The following ADAMTS20 variants were observed in gnomAD, a reference collection of about 807,000 sequenced individuals.
ADAMTS20 encodes A disintegrin and metalloproteinase with thrombospondin motifs 20.
A neutral mutation model predicts 260.1 loss-of-function variants in ADAMTS20; 225 were observed. The observed-to-expected ratio is 0.87, with a 90% CI of 0.78 to 0.97. ADAMTS20 has a LOEUF of 0.97. ADAMTS20 is among the 50% of genes least tolerant of loss of function. The probability of loss-of-function intolerance (pLI) is 0.00; values close to 1 mark genes in which losing one functional copy is unlikely to be tolerated. For synonymous variants in ADAMTS20, 802 were observed against 769.5 expected (o/e 1.04, Z -0.70); for missense variants, 2,400 against 2,337.7 (o/e 1.03, Z -0.55).
intron 2 of ADAMTS20, among the ~76,000 whole-genome samples, chr12:43,543,440 C>T (rs540308298): frequency 6.6e-6 from 1 of 152,310 alleles, no homozygotes; most frequent in South Asian, 2.1e-4. Context: ...ATTCTTCTTT[C>T]TGTAGCAAGT....
intron 7 of ADAMTS20, among the ~76,000 whole-genome samples, chr12:43,478,844 A>G (rs1293932009): frequency 6.6e-6 from 1 of 152,214 alleles, no homozygotes; most frequent in African/African-American, 2.4e-5. Context: ...AAATTACTGA[A>G]TTAGAAAGAG....
At chr12:43,465,980 T>C (rs1445102271) in intron 9 of ADAMTS20, among the ~76,000 whole-genome samples, 1 of 152,058 alleles carries the variant, frequency 6.6e-6, no homozygotes, top group East Asian at 1.9e-4. Context: ...GTTACATTTA[T>C]ACAAAAAGAT....
At chr12:43,531,194 C>CA (rs1943215460) in intron 3 of ADAMTS20, among the ~76,000 whole-genome samples, 1 of 151,738 alleles carries the variant, frequency 6.6e-6, no homozygotes, top group Admixed American at 6.6e-5. Context: ...ACCCCAGAAA[C>CA]AATACTAAGC....
chr12:43,373,681 T>G (rs1940155924), intron 36 of ADAMTS20, among the ~76,000 whole-genome samples: 1 of 135,482 alleles, frequency 7.4e-6, no homozygotes, highest in Non-Finnish European at 1.6e-5. Context: ...TTTTTTTTTT[T>G]TTTTTTTTTT....
At chr12:43,550,022 C>T (rs1032547481) in intron 2 of ADAMTS20, among the ~76,000 whole-genome samples, 7 of 152,136 alleles carry the variant, frequency 4.6e-5, no homozygotes, top group African/African-American at 7.2e-5. Flanking sequence ...ATCCTGTAAC[C>T]AAATTCCTAG....
intron 22 of ADAMTS20, 131 bp downstream of exon 22, chr12:43,431,201 G>C (rs997017380): frequency 1.3e-6 from 1 of 768,728 alleles, no homozygotes; most frequent in Non-Finnish European, 2.0e-6. Flanking sequence ...CACATTTCAG[G>C]GTTGCTGTTG....
chr12:43,490,857 T>C (rs910765332), intron 6 of ADAMTS20, among the ~76,000 whole-genome samples: 1 of 152,082 alleles, frequency 6.6e-6, no homozygotes, highest in African/African-American at 2.4e-5. Flanking sequence ...ACTTAGTCCA[T>C]GGCCATTCAA....
At chr12:43,366,346 A>T (rs1939985931) in intron 37 of ADAMTS20, among the ~76,000 whole-genome samples, 1 of 151,938 alleles carries the variant, frequency 6.6e-6, no homozygotes, top group African/African-American at 2.4e-5. Context: ...AACAAAATAC[A>T]TAAAAGATTG....
chr12:43,549,945 T>C (rs1181727413), intron 2 of ADAMTS20, among the ~76,000 whole-genome samples: 1 of 152,238 alleles, frequency 6.6e-6, no homozygotes, highest in South Asian at 2.1e-4. Context: ...TTTGAACACC[T>C]TCCAGAAGTA....
intron 29 of ADAMTS20, among the ~76,000 whole-genome samples, chr12:43,391,860 A>G (rs893431456): frequency 6.6e-6 from 1 of 152,156 alleles, no homozygotes; most frequent in Non-Finnish European, 1.5e-5. Flanking sequence ...TCCTCTCATA[A>G]ACTGTGTCAA....
chr12:43,357,467 TATA>T (rs1235637362), intron 37 of ADAMTS20, among the ~76,000 whole-genome samples: 1 of 152,178 alleles, frequency 6.6e-6, no homozygotes, highest in Non-Finnish European at 1.5e-5. Flanking sequence ...ACTCTGTATA[TATA>T]ATGTGAATTA....
chr12:43,512,160 TATC>T (rs772647901), intron 3 of ADAMTS20, among the ~76,000 whole-genome samples: 1 of 151,066 alleles, frequency 6.6e-6, no homozygotes, highest in Non-Finnish European at 1.5e-5. Context: ...GTACTATTAT[TATC>T]GTCATTTTAT....
intron 23 of ADAMTS20, 87 bp downstream of exon 23, chr12:43,430,265 A>G (rs1477913051): frequency 2.8e-6 from 4 of 1,445,918 alleles, no homozygotes; most frequent in Non-Finnish European, 3.7e-6. Context: ...TTTAAGTGGA[A>G]AAAAATAAGT....
rs374970372 is a variant in ADAMTS20, at chr12:43,468,672, A to G, written c.1151T>C (p.Leu384Ser). ...LSYLGTICDP[L>S]QSCFINEEKG... The stretch of plus-strand genomic sequence containing the variant: ...TTCTTCATTAATAAAGCAGCTTTGT[A>G]AAGGATCACATATGGTACCTAAATA... Residue 384 changes from leucine to serine, a missense_variant, in exon 8 of 39, where the codon TTA (leucine) becomes TCA (serine). Transcript: ENST00000389420. 4 of 1,609,172 alleles carry G rather than the reference A, an allele frequency of 2.5e-6. No individual in the cohort carries two copies. Among genetic ancestry groups the G allele is most frequent in the Non-Finnish European group, 3.4e-6 (4 of 1,176,910 alleles).
At chr12:43,360,455 AT>A (rs2137184235) in intron 37 of ADAMTS20, among the ~76,000 whole-genome samples, 1 of 152,300 alleles carries the variant, frequency 6.6e-6, no homozygotes, top group East Asian at 1.9e-4. Flanking sequence ...TCTCAAAAAA[AT>A]AAATAAAAAT....
chr12:43,529,748 A>C (rs1026990395), intron 3 of ADAMTS20, among the ~76,000 whole-genome samples: 1 of 152,122 alleles, frequency 6.6e-6, no homozygotes, highest in Non-Finnish European at 1.5e-5. Flanking sequence ...ATCAGAATTC[A>C]CCACTATATA....
Position 43,429,620 on chromosome 12 carries a change from G to C in ADAMTS20, c.3486C>G (p.Thr1162=). ...KMAQWRHGSW[T]PCSVSCGRGT... Reference sequence around the variant, plus strand: ...TCTATTAAAGAAATTCACTTACTGGGGTCCAAGAACCATGTCGCCATTGTG... The same window carrying C: ...TCTATTAAAGAAATTCACTTACTGGCGTCCAAGAACCATGTCGCCATTGTG... The change falls in exon 24 of 39, where the codon ACC becomes ACG. Residue 1162 remains threonine (T), a synonymous_variant. Coordinates refer to ENST00000389420, the MANE Select transcript of ADAMTS20 (RefSeq NM_025003.5). 3.2e-6 allele frequency: 5 copies of C among 1,586,678 alleles called. No homozygotes were observed. Among genetic ancestry groups the C allele is most frequent in the Non-Finnish European group, 4.3e-6 (5 of 1,165,316 alleles).
rs1052408161 is a variant in ADAMTS20 at position 43,423,501 on chromosome 12, C to T, written c.4284+2013G>A. The stretch of plus-strand genomic sequence containing the variant: ...AAACGTCTATGCTCAGAAACAAATG[C>T]CATTACAATTCAATCTCATTAGCAG... On this transcript the variant is annotated intron_variant, in intron 28 of 38. Transcript: ENST00000389420. 1.3e-5 allele frequency: 7 copies of T among 525,746 alleles called. No homozygotes were observed. The Admixed American group carries it at 1.4e-4, about 10-fold the overall frequency. 32.6% of individuals were successfully genotyped at this position (525,746 alleles called of 1,614,324 possible).
At chr12:43,471,039 G>A (rs7134981) in intron 7 of ADAMTS20, among the ~76,000 whole-genome samples, 17,501 of 152,142 alleles carry the variant, frequency 0.12, 1,133 homozygotes, top group Admixed American at 0.21. Context: ...GAGCGACGCA[G>A]AAGACGGGTG....
Sources: allele counts gnomAD v4.1 joint callset (sites outside exome capture counted in the v4.1 genomes callset), GRCh38; gene constraint gnomAD v4.1.1; transcripts MANE v1.5; gene names NCBI Gene and HGNC (gene_info 2026-07-23, HGNC 2026-07-21).